ZMYM1: variants seen among roughly 807,000 people sequenced by gnomAD.
The protein encoded by ZMYM1 is zinc finger MYM-type protein 1.
Under a neutral mutation model 60.0 loss-of-function variants are expected in ZMYM1, and 39 were observed. The ratio of observed to expected loss-of-function variants is 0.65; its 90% CI spans 0.50 to 0.85. ZMYM1 has a LOEUF of 0.85. Ranked by LOEUF, ZMYM1 falls within the 40% of genes least tolerant of loss-of-function variation. The pLI is 0.00. For missense variants in ZMYM1, 1,171 were observed against 1,309.5 expected (o/e 0.89, Z 1.63); for synonymous variants, 413 against 454.0 (o/e 0.91, Z 1.15).
At position 35,111,913 on chromosome 1, in the gene ZMYM1, G is replaced by C; in HGVS notation, c.1102+1G>C. ...ATCATGAACACTGATGTCTTACAAG[G>C]TAAAAGTTGATGTTAAGATATTTGA... On this transcript the variant is annotated splice_donor_variant, in intron 8 of 9. Transcript: ENST00000359858. LOFTEE classifies it high-confidence loss of function. 1.3e-6 allele frequency: 2 copies of C among 1,581,986 alleles called. No homozygotes were observed. Among genetic ancestry groups the C allele is most frequent in the Non-Finnish European group, 1.7e-6 (2 of 1,162,726 alleles).
rs527509985 is a variant in ZMYM1, at chr1:35,105,510, T to C, written c.807+741T>C. ...GTGCAGTGGCACAATCTTGGCTCAC[T>C]GCAACCTCCGCCTCCCAGGTTCAAG... On this transcript the variant is annotated intron_variant, in intron 6 of 9. Transcript: ENST00000359858. Among the ~76,000 whole-genome samples, 121 of 152,316 alleles carry C rather than the reference T, an allele frequency of 7.9e-4. 1 individual carries two copies. In the South Asian group the frequency reaches 0.025, roughly 31 times the overall value.
intron 4 of ZMYM1, among the ~76,000 whole-genome samples, chr1:35,098,895 A>G (rs1437990441): frequency 1.3e-5 from 2 of 152,146 alleles, no homozygotes; most frequent in Non-Finnish European, 2.9e-5. Flanking sequence ...AAAAGAAAAA[A>G]AAAGAAATGC....
intron 1 of ZMYM1, among the ~76,000 whole-genome samples, chr1:35,073,082 GA>G (rs1051657130): frequency 2.3e-5 from 3 of 133,048 alleles, no homozygotes; most frequent in Non-Finnish European, 3.2e-5. Flanking sequence ...ATTCCATCTC[GA>G]AAAAAAAAAT....
rs756725584 is a variant in ZMYM1 at position 35,113,015 on chromosome 1, T to G, written c.1185T>G (p.Val395=). The G allele has an allele frequency of 1.9e-6, 3 of 1,604,886 alleles. No homozygotes were observed. The highest frequency in any genetic ancestry group is 1.7e-6 in the Non-Finnish European group (2 of 1,176,824). ...CACCTAGTGAACCCAGTAATGCTGT[T>G]GCTAGTAGTAGTACGGAACAGCCAA... The part of the protein sequence containing the change: ...KSSPSEPSNA[V]ASSSTEQPSV... Residue 395 remains valine (V), a synonymous_variant, in exon 10 of 10, where the codon GTT becomes GTG. Transcript: ENST00000359858.
At chr1:35,082,109 TTGTC>T (rs1412861928) in intron 1 of ZMYM1, among the ~76,000 whole-genome samples, 2 of 152,238 alleles carry the variant, frequency 1.3e-5, no homozygotes, top group African/African-American at 4.8e-5. Flanking sequence ...TTTTCAAAGT[TTGTC>T]TTTTATTTTT....
intron 1 of ZMYM1, among the ~76,000 whole-genome samples, chr1:35,089,303 A>G (rs996894999): frequency 6.6e-6 from 1 of 152,192 alleles, no homozygotes; most frequent in Non-Finnish European, 1.5e-5. Flanking sequence ...CTTGCATGGC[A>G]TGTGTACTTT....
intron 1 of ZMYM1, 58 bp from the exon 2 acceptor site, chr1:35,093,856 T>G (rs1157516656): frequency 1.7e-6 from 1 of 604,622 alleles, no homozygotes; most frequent in Non-Finnish European, 2.7e-6. Flanking sequence ...TCTAGAAAAT[T>G]ACCATATTTA....
At chr1:35,060,143 GTTATTATTATTATTATTATTA>G (rs144363831) in intron 1 of ZMYM1, among the ~76,000 whole-genome samples, 1 of 144,100 alleles carries the variant, frequency 6.9e-6, no homozygotes, top group African/African-American at 2.6e-5. Context: ...ACTATTTGTT[GTTATTATTATTATTATTATTA>G]TTATTATTAT....
chr1:35,111,817 C>T lies in ZMYM1; in HGVS notation c.1007C>T (p.Ser336Phe), dbSNP rs772668437. The T allele has an allele frequency of 3.3e-5, 53 of 1,606,756 alleles. No individual in the cohort carries two copies. Among genetic ancestry groups the T allele is most frequent in the Non-Finnish European group, 4.4e-5 (52 of 1,175,418 alleles). Residue 336 changes from serine (S) to phenylalanine (F), a missense_variant, in exon 8 of 10, where the codon TCT (serine) becomes TTT (phenylalanine). Transcript: ENST00000359858. ...VVHDTSTELL[S>F]PKKDTTPVIS... is the part of the protein sequence containing the mutation. ...CATGATACTTCAACAGAGCTTCTTTCTCCAAAGAAAGATACGACTCCAGTT... is the reference window on the plus strand; with the variant it reads ...CATGATACTTCAACAGAGCTTCTTTTTCCAAAGAAAGATACGACTCCAGTT...
intron 1 of ZMYM1, among the ~76,000 whole-genome samples, chr1:35,087,681 G>A (rs1642732384): frequency 1.3e-5 from 2 of 152,064 alleles, no homozygotes; most frequent in Admixed American, 6.5e-5. Context: ...GCCCGCGTTG[G>A]CCTCCCAAAG....
chr1:35,115,592 T>C lies in ZMYM1; in HGVS notation c.*333T>C, dbSNP rs1242959218. ...GTTATTGTATGAATGTACCATAATATATTTGAGCAGTCCCTGCTGACATTT... is the reference window on the plus strand; with the variant it reads ...GTTATTGTATGAATGTACCATAATACATTTGAGCAGTCCCTGCTGACATTT... On this transcript the variant is annotated 3_prime_UTR_variant, in exon 10 of 10. Coordinates refer to ENST00000359858, the MANE Select transcript of ZMYM1 (RefSeq NM_024772.5). 6.1e-6 allele frequency: 1 copy of C among 163,488 alleles called. No individual in the cohort carries two copies. Among genetic ancestry groups the C allele is most frequent in the Admixed American group, 6.2e-5 (1 of 16,038 alleles). The allele number at this position is 163,488 out of a possible 1,614,324, so 10.1% of individuals were successfully genotyped here. A position where few individuals can be genotyped will look rare whatever the true frequency, so the allele number is the denominator to read the frequency against.
rs750901563 is a variant in ZMYM1 at position 35,104,419 on chromosome 1, T to C, written c.544T>C (p.Cys182Arg). The C allele has an allele frequency of 1.2e-6, 2 of 1,612,706 alleles. No individual in the cohort carries two copies. Among genetic ancestry groups the C allele is most frequent in the South Asian group, 2.2e-5 (2 of 90,946 alleles). Residue 182 changes from cysteine to arginine, a missense_variant, in exon 5 of 10, where the codon TGT becomes CGT. Cys to Arg is a radical substitution (Grantham distance 180, BLOSUM62 -3). Transcript: ENST00000359858. ...AAAAAGAAAACCATTTGTTACCATA[T>C]GTACTAATAGCATTTTGACCAAGTG... ...EEKRKPFVTI[C>R]TNSILTKCSM...
At chr1:35,085,580 C>T (rs986148204) in intron 1 of ZMYM1, among the ~76,000 whole-genome samples, 2 of 149,412 alleles carry the variant, frequency 1.3e-5, no homozygotes, top group Admixed American at 1.3e-4. Flanking sequence ...GTAGATCTCC[C>T]TTTGGCTGCA....
chr1:35,115,485 T>C lies in ZMYM1; in HGVS notation c.*226T>C. ...ACGGTGTATACTGTTCTTCAGCTTG[T>C]CTTCTCTGTGTAACATATTTTTGAG... On this transcript the variant is annotated 3_prime_UTR_variant, in exon 10 of 10. Transcript: ENST00000359858. The C allele has an allele frequency of 3.2e-6, 1 of 308,320 alleles. No individual in the cohort carries two copies. The highest frequency in any genetic ancestry group is 5.8e-5 in the East Asian group (1 of 17,376). The allele number at this position is 308,320 out of a possible 1,614,324, so 19.1% of individuals were successfully genotyped here.
intron 4 of ZMYM1, among the ~76,000 whole-genome samples, chr1:35,099,063 A>G (rs911945269): frequency 2.0e-5 from 3 of 152,212 alleles, no homozygotes; most frequent in Admixed American, 1.3e-4. Context: ...TGAGCATTAA[A>G]TAGTATATTT....
chr1:35,084,828 C>T (rs1470136344), intron 1 of ZMYM1, among the ~76,000 whole-genome samples: 1 of 151,968 alleles, frequency 6.6e-6, no homozygotes, highest in Non-Finnish European at 1.5e-5. Context: ...TTCTGTAGTT[C>T]CCTCCTCTCC....
intron 1 of ZMYM1, among the ~76,000 whole-genome samples, chr1:35,068,646 A>AT (rs1642017013): frequency 6.7e-6 from 1 of 149,310 alleles, no homozygotes; most frequent in Admixed American, 6.7e-5. Flanking sequence ...ACGCAAAAAA[A>AT]AAAATATATA....
upstream of ZMYM1, among the ~76,000 whole-genome samples, chr1:35,074,407 T>G (rs549139494): frequency 6.6e-6 from 1 of 152,230 alleles, no homozygotes; most frequent in East Asian, 1.9e-4. Flanking sequence ...CTGATGTTTC[T>G]TTGTTGATTT....
intron 1 of ZMYM1, among the ~76,000 whole-genome samples, chr1:35,092,269 G>A (rs1643060659): frequency 6.6e-6 from 1 of 150,776 alleles, no homozygotes; most frequent in Non-Finnish European, 1.5e-5. Flanking sequence ...ATCTCGCTCT[G>A]TTTCCCAGGC....
Sources: gnomAD v4.1 joint callset for allele counts (sites outside exome capture counted in the v4.1 genomes callset) on GRCh38, gnomAD v4.1.1 for gene constraint, MANE v1.5 for transcripts, NCBI Gene and HGNC (gene_info 2026-07-23, HGNC 2026-07-21) for gene names.